Variants in ADCY8 observed in about 807,000 individuals in gnomAD.
ADCY8 encodes the protein adenylate cyclase 8, also known as adenylate cyclase type 8.
In ADCY8, 51 loss-of-function variants were observed where a neutral mutation model predicts 119.7. That is an observed-to-expected ratio of 0.43 (90% CI 0.34 to 0.54). The LOEUF is 0.54. Ranked by LOEUF, ADCY8 falls within the 20% of genes least tolerant of loss-of-function variation. ADCY8 has a pLI of 0.03. For missense variants in ADCY8, 1,383 were observed against 1,598.8 expected (o/e 0.87, Z 2.30); for synonymous variants, 665 against 651.0 (o/e 1.02, Z -0.33).
chr8:130,919,572 T>G (rs1402769478), intron 5 of ADCY8, among the ~76,000 whole-genome samples: 1 of 152,238 alleles, frequency 6.6e-6, no homozygotes, highest in Admixed American at 6.5e-5. Flanking sequence ...TGTCAACTTC[T>G]GTGGTGTCAC....
At chr8:130,976,078 T>C (rs774944765) in intron 2 of ADCY8, among the ~76,000 whole-genome samples, 1 of 152,202 alleles carries the variant, frequency 6.6e-6, no homozygotes, top group Non-Finnish European at 1.5e-5. Context: ...AAAAGACCTT[T>C]ACATTGTAAG....
chr8:130,799,515 CCCTTTGTGGGGCCAT>C (rs1238550869), intron 15 of ADCY8, among the ~76,000 whole-genome samples: 17 of 152,150 alleles, frequency 1.1e-4, no homozygotes, highest in African/African-American at 3.6e-4. Context: ...CGCCCCAAGC[CCCTTTGTGGGGCCAT>C]CCTCCAAAAT....
intron 12 of ADCY8, among the ~76,000 whole-genome samples, chr8:130,834,156 T>C (rs750616420): frequency 5.9e-5 from 9 of 152,308 alleles, no homozygotes; most frequent in Middle Eastern, 3.4e-3. Context: ...TTTTATACCA[T>C]AAGTATATAC....
At chr8:130,953,515 C>T (rs1274583930) in intron 2 of ADCY8, among the ~76,000 whole-genome samples, 1 of 152,048 alleles carries the variant, frequency 6.6e-6, no homozygotes, top group Non-Finnish European at 1.5e-5. Context: ...TTGCAGGGTA[C>T]GGTCCTTTCC....
At chr8:130,970,301 G>C (rs1394658766) in intron 2 of ADCY8, among the ~76,000 whole-genome samples, 1 of 152,188 alleles carries the variant, frequency 6.6e-6, no homozygotes, top group Non-Finnish European at 1.5e-5. Context: ...TCTGCCTCCT[G>C]TCAGATCGGT....
At chr8:130,902,453 C>T (rs750774807) in intron 7 of ADCY8, among the ~76,000 whole-genome samples, 14 of 152,160 alleles carry the variant, frequency 9.2e-5, no homozygotes, top group South Asian at 2.1e-4. Context: ...AAAGAGCTGT[C>T]GAAGACCTAA....
chr8:130,821,542 A>G (rs1816509364), intron 12 of ADCY8, 122 bp from the exon 13 acceptor site: 1 of 692,818 alleles, frequency 1.4e-6, no homozygotes, highest in African/African-American at 1.8e-5. Flanking sequence ...AGCACCTATT[A>G]TGTGATAGTG....
At chr8:131,004,877 C>A in intron 1 of ADCY8, among the ~76,000 whole-genome samples, 1 of 152,146 alleles carries the variant, frequency 6.6e-6, no homozygotes, top group East Asian at 1.9e-4. Context: ...CTTCTTCCCC[C>A]CTCAACTGGC....
In ADCY8 at chr8:130,821,417, A is replaced by G. The variant is rs1231333322; in HGVS notation, c.2679T>C (p.Asp893=). The part of the protein sequence containing the change: ...RYDNLNHSGE[D]FLGTKEVSLL... ...GTGATACCTCCTTGGTCCCCAGGAA[A>G]TCTCTGTTGGAAGAAAAAAGGAACT... is the stretch of plus-strand genomic sequence containing the variant. The change falls in exon 13 of 18, where the codon GAT becomes GAC. Residue 893 remains aspartate (D), a synonymous_variant. Coordinates refer to ENST00000286355, the MANE Select transcript of ADCY8 (RefSeq NM_001115.3). 2 of 1,612,634 alleles carry G rather than the reference A, an allele frequency of 1.2e-6. No homozygotes were observed. The highest frequency in any genetic ancestry group is 1.7e-6 in the Non-Finnish European group (2 of 1,179,078).
intron 8 of ADCY8, among the ~76,000 whole-genome samples, chr8:130,881,557 A>G (rs758061141): frequency 5.3e-5 from 8 of 152,168 alleles, no homozygotes; most frequent in Non-Finnish European, 1.0e-4. Context: ...CAGAAAACAT[A>G]CTTTTATGGT....
At chr8:130,967,789 T>C (rs1449027224) in intron 2 of ADCY8, among the ~76,000 whole-genome samples, 1 of 152,192 alleles carries the variant, frequency 6.6e-6, no homozygotes, top group East Asian at 1.9e-4. Context: ...CTGGGAACTT[T>C]GGGACAAAGC....
chr8:131,008,134 T>C (rs953801495), intron 1 of ADCY8, among the ~76,000 whole-genome samples: 2 of 152,160 alleles, frequency 1.3e-5, no homozygotes, highest in Non-Finnish European at 2.9e-5. Context: ...AAAATAGGGA[T>C]GCAACGTCAC....
intron 13 of ADCY8, among the ~76,000 whole-genome samples, chr8:130,820,105 G>T (rs2130193448): frequency 6.6e-6 from 1 of 152,318 alleles, no homozygotes; most frequent in South Asian, 2.1e-4. Context: ...GAGAGAAAGT[G>T]CTAGGCACAT....
chr8:130,974,150 G>A (rs1158273748), intron 2 of ADCY8, among the ~76,000 whole-genome samples: 2 of 152,212 alleles, frequency 1.3e-5, no homozygotes, highest in African/African-American at 4.8e-5. Context: ...ATTATCCCTT[G>A]ATGGGTTTTC....
At chr8:131,032,508 T>G (rs1384889487) in intron 1 of ADCY8, among the ~76,000 whole-genome samples, 1 of 152,172 alleles carries the variant, frequency 6.6e-6, no homozygotes, top group Non-Finnish European at 1.5e-5. Context: ...CCTTGTCAGA[T>G]AAGCTCTGTT....
chr8:130,984,740 G>T (rs1822344842), intron 2 of ADCY8, among the ~76,000 whole-genome samples: 1 of 152,196 alleles, frequency 6.6e-6, no homozygotes, highest in East Asian at 1.9e-4. Context: ...TGGTTGATGT[G>T]AAAGGATCAG....
intron 9 of ADCY8, among the ~76,000 whole-genome samples, chr8:130,860,317 CAT>C (rs1213057962): frequency 4.6e-5 from 7 of 152,162 alleles, no homozygotes; most frequent in African/African-American, 1.7e-4. Flanking sequence ...TTCCCAGACA[CAT>C]GTTTTACAAA....
intron 2 of ADCY8, among the ~76,000 whole-genome samples, chr8:130,964,728 A>G (rs1258563618): frequency 1.3e-5 from 2 of 152,204 alleles, no homozygotes; most frequent in African/African-American, 4.8e-5. Context: ...ACAATAGATC[A>G]ACACTAAAAA....
At chr8:131,029,181 C>T (rs1823915737) in intron 1 of ADCY8, among the ~76,000 whole-genome samples, 1 of 152,164 alleles carries the variant, frequency 6.6e-6, no homozygotes, top group African/African-American at 2.4e-5. Context: ...ACTGCAAGCT[C>T]CTTATGAGAA....
Sources: allele counts gnomAD v4.1 joint callset (sites outside exome capture counted in the v4.1 genomes callset), GRCh38; gene constraint gnomAD v4.1.1; transcripts MANE v1.5; gene names NCBI Gene and HGNC (gene_info 2026-07-23, HGNC 2026-07-21).